NR2F1-AS1: variants seen among roughly 807,000 people sequenced by gnomAD.
NR2F1-AS1 encodes the protein NR2F1 antisense RNA 1.
intron 4 of NR2F1-AS1, among the ~76,000 whole-genome samples, chr5:93,448,086 T>C (rs1005441634): frequency 4.6e-5 from 7 of 152,032 alleles, no homozygotes; most frequent in African/African-American, 1.4e-4. Flanking sequence ...CATTAGGAGA[T>C]ATACCTAATG....
In NR2F1-AS1 at chr5:93,486,757, T is replaced by A. The variant is rs190551029; in HGVS notation, n.638+67004A>T. Among the ~76,000 whole-genome samples the A allele has an allele frequency of 3.5e-4, 53 of 152,326 alleles. No individual in the cohort carries two copies. The Middle Eastern group carries it at 0.01, about 29-fold the overall frequency. On this transcript the variant is annotated intron_variant and non_coding_transcript_variant, in intron 4 of 5. Transcript: ENST00000660523. Reference sequence around the variant, plus strand: ...CCTAACTCATTTTATGATGCCAGCATCATCCTGATACCAAAACCTGGCAGA... The same window carrying A: ...CCTAACTCATTTTATGATGCCAGCAACATCCTGATACCAAAACCTGGCAGA...
chr5:93,540,834 G>C (rs1487589146), intron 4 of NR2F1-AS1, among the ~76,000 whole-genome samples: 2 of 152,030 alleles, frequency 1.3e-5, no homozygotes, highest in Non-Finnish European at 2.9e-5. Flanking sequence ...AGAGACTCTG[G>C]GGGAGAAAAA....
intron 4 of NR2F1-AS1, among the ~76,000 whole-genome samples, chr5:93,462,171 A>G (rs183410960): frequency 6.6e-6 from 1 of 152,272 alleles, no homozygotes; most frequent in Admixed American, 6.5e-5. Context: ...CTCATCTTGA[A>G]TTGTAACCCC....
chr5:93,516,101 AC>A (rs1318292074), intron 4 of NR2F1-AS1, among the ~76,000 whole-genome samples: 1 of 151,900 alleles, frequency 6.6e-6, no homozygotes, highest in Non-Finnish European at 1.5e-5. Flanking sequence ...AAAAGGAACT[AC>A]TTCTTGTTAT....
intron 4 of NR2F1-AS1, among the ~76,000 whole-genome samples, chr5:93,500,115 G>A (rs1751046982): frequency 1.3e-5 from 2 of 152,210 alleles, no homozygotes; most frequent in Admixed American, 6.5e-5. Flanking sequence ...ATCTAGCTAA[G>A]ATCACTGACA....
chr5:93,412,012 C>A (rs1465439093), intron 4 of NR2F1-AS1, among the ~76,000 whole-genome samples: 1 of 152,132 alleles, frequency 6.6e-6, no homozygotes, highest in African/African-American at 2.4e-5. Flanking sequence ...CCAGGTGGGT[C>A]AAAGACAGAG....
chr5:93,490,411 G>A (rs1561465173), intron 4 of NR2F1-AS1, among the ~76,000 whole-genome samples: 2 of 152,064 alleles, frequency 1.3e-5, no homozygotes, highest in African/African-American at 2.4e-5. Context: ...TGGTAATGAC[G>A]GTGGTGGTGG....
chr5:93,480,823 A>G (rs1288493602), intron 4 of NR2F1-AS1, among the ~76,000 whole-genome samples: 4 of 152,116 alleles, frequency 2.6e-5, no homozygotes, highest in Non-Finnish European at 5.9e-5. Flanking sequence ...AATTTAGAAT[A>G]TTAACTGTAA....
intron 4 of NR2F1-AS1, among the ~76,000 whole-genome samples, chr5:93,495,758 T>C (rs1750947033): frequency 1.3e-5 from 2 of 152,230 alleles, no homozygotes; most frequent in South Asian, 4.1e-4. Context: ...TGATGATTTG[T>C]ATATCATATA....
intron 4 of NR2F1-AS1, among the ~76,000 whole-genome samples, chr5:93,499,415 T>C (rs1751031142): frequency 6.6e-6 from 1 of 152,204 alleles, no homozygotes; most frequent in South Asian, 2.1e-4. Context: ...CACAATTTGG[T>C]AATTCTCACA....
At chr5:93,463,638 C>T (rs1289119161) in intron 4 of NR2F1-AS1, among the ~76,000 whole-genome samples, 2 of 152,154 alleles carry the variant, frequency 1.3e-5, no homozygotes, top group Non-Finnish European at 2.9e-5. Context: ...GGGCCTGTAC[C>T]CTGTAAAGCC....
chr5:93,457,082 G>C (rs1253201796), intron 4 of NR2F1-AS1, among the ~76,000 whole-genome samples: 1 of 152,134 alleles, frequency 6.6e-6, no homozygotes, highest in African/African-American at 2.4e-5. Flanking sequence ...GGACGAGCAG[G>C]AGACAGATGC....
intron 4 of NR2F1-AS1, among the ~76,000 whole-genome samples, chr5:93,441,598 T>A (rs139405756): frequency 6.6e-6 from 1 of 152,222 alleles, no homozygotes; most frequent in Non-Finnish European, 1.5e-5. Flanking sequence ...CTCAACTTTA[T>A]AACCAAGTTC....
chr5:93,485,067 T>C (rs1220478929), intron 4 of NR2F1-AS1, among the ~76,000 whole-genome samples: 1 of 151,650 alleles, frequency 6.6e-6, no homozygotes, highest in Non-Finnish European at 1.5e-5. Context: ...AGACAGAAAA[T>C]TAACAAGGAT....
chr5:93,456,235 T>C (rs1426401747), intron 4 of NR2F1-AS1, among the ~76,000 whole-genome samples: 1 of 152,230 alleles, frequency 6.6e-6, no homozygotes, highest in Non-Finnish European at 1.5e-5. Context: ...ATAAATGAGT[T>C]TGGCAAGGTC....
At chr5:93,536,337 A>C (rs1004540544) in intron 4 of NR2F1-AS1, among the ~76,000 whole-genome samples, 3 of 152,224 alleles carry the variant, frequency 2.0e-5, no homozygotes, top group African/African-American at 4.8e-5. Flanking sequence ...GACTGGAAGA[A>C]TATTGTTAAA....
chr5:93,409,826 C>G (rs1748813101), intron 4 of NR2F1-AS1: 1 of 152,158 alleles, frequency 6.6e-6, no homozygotes, highest in African/African-American at 2.4e-5. Flanking sequence ...CCAGTTTATA[C>G]AGAGCAACAT....
intron 4 of NR2F1-AS1, among the ~76,000 whole-genome samples, chr5:93,468,683 G>A (rs1185994941): frequency 2.0e-5 from 3 of 152,170 alleles, no homozygotes; most frequent in Non-Finnish European, 4.4e-5. Context: ...GGCTTTTGTT[G>A]CCATTGCTTT....
intron 4 of NR2F1-AS1, among the ~76,000 whole-genome samples, chr5:93,485,801 GAC>G (rs1333114702): frequency 2.0e-5 from 3 of 150,718 alleles, no homozygotes; most frequent in Non-Finnish European, 3.0e-5. Context: ...CTGCTATAAA[GAC>G]ACATGCACAC....
Sources: gnomAD v4.1 joint callset for allele counts (sites outside exome capture counted in the v4.1 genomes callset) on GRCh38, gnomAD v4.1.1 for gene constraint, MANE v1.5 for transcripts, NCBI Gene and HGNC (gene_info 2026-07-23, HGNC 2026-07-21) for gene names.